SFTPB: variants seen among roughly 807,000 people sequenced by gnomAD.
SFTPB encodes pulmonary surfactant-associated protein B.
A neutral mutation model predicts 51.0 loss-of-function variants in SFTPB; 32 were observed. The ratio of observed to expected loss-of-function variants is 0.63; its 90% CI spans 0.47 to 0.84. The LOEUF (loss-of-function observed/expected upper bound fraction) is 0.84, where lower values mean the gene tolerates loss of function less well. Among genes scored for constraint, SFTPB ranks in the 40% least tolerant of loss-of-function variants. SFTPB has a pLI of 0.00. For synonymous variants in SFTPB, 211 were observed against 208.5 expected (o/e 1.01, Z -0.10); for missense variants, 431 against 491.2 (o/e 0.88, Z 1.16).
chr2:85,666,249 GTC>G (rs1677594295), intron 4 of SFTPB, among the ~76,000 whole-genome samples: 3 of 135,624 alleles, frequency 2.2e-5, no homozygotes, highest in African/African-American at 5.3e-5. Context: ...GTGTGTGTGT[GTC>G]TGGCTGGCTG....
rs1392444391 is a variant in SFTPB at position 85,663,209 on chromosome 2, C to T, written c.1002+137G>A. The T allele has an allele frequency of 5.7e-6, 7 of 1,226,348 alleles. No individual in the cohort carries two copies. In the South Asian group the frequency reaches 6.1e-5, roughly 11 times the overall value. 76.0% of individuals were successfully genotyped at this position (1,226,348 alleles called of 1,614,324 possible). On this transcript the variant is annotated intron_variant, in intron 8 of 10. Transcript: ENST00000519937. The stretch of plus-strand genomic sequence containing the variant: ...CCCTAACTTACAGTCCCACCATTGT[C>T]TGCCCCACATCCTGTCTGCCTGTCT...
rs1677520698 is a variant in SFTPB, at chr2:85,665,398, GAGGCC to G, written c.583-25_583-21del. On this transcript the variant is annotated intron_variant, in intron 5 of 10. Coordinates refer to ENST00000519937, the MANE Select transcript of SFTPB (RefSeq NM_000542.5). Reference sequence around the variant, plus strand: ...GAGATCCTGGGGAAAGAATCAGGTGGAGGCCAGGCTGGGTGCTGGGAGAAGAGTCC... The same window carrying G: ...GAGATCCTGGGGAAAGAATCAGGTGGAGGCTGGGTGCTGGGAGAAGAGTCC... The G allele has an allele frequency of 2.5e-6, 4 of 1,602,956 alleles. No individual in the cohort carries two copies. The South Asian group carries it at 3.3e-5, about 13-fold the overall frequency.
At position 85,665,659 on chromosome 2, in the gene SFTPB, C is replaced by G. The variant is rs34550459; in HGVS notation, c.529G>C (p.Val177Leu). 2.5e-6 allele frequency: 4 copies of G among 1,614,108 alleles called. No homozygotes were observed. Among genetic ancestry groups the G allele is most frequent in the South Asian group, 1.1e-5 (1 of 91,080 alleles). ...AGGGCCCCGGGCAGCACAGGGAGGA[C>G]GAGCTTGTCCAGCAGAGGGTCTGGC... ...PLPDPLLDKLVLPVLPGALQA... is the reference protein window; with the variant it reads ...PLPDPLLDKLLLPVLPGALQA... The change falls in exon 5 of 11, where the codon GTC becomes CTC. Residue 177 changes from valine (V) to leucine (L), a missense_variant. By Grantham distance (32) the Val-to-Leu change is conservative. Transcript: ENST00000519937.
At position 85,666,633 on chromosome 2, in the gene SFTPB, T is replaced by C; in HGVS notation, c.377A>G (p.Tyr126Cys). 6.2e-7 allele frequency: 1 copy of C among 1,613,488 alleles called. No homozygotes were observed. The highest frequency in any genetic ancestry group is 8.5e-7 in the Non-Finnish European group (1 of 1,179,714). Residue 126 changes from tyrosine (Y) to cysteine (C), a missense_variant, in exon 4 of 11, where the codon TAC becomes TGC. Coordinates refer to ENST00000519937, the MANE Select transcript of SFTPB (RefSeq NM_000542.5). ...LDDYFPLVID[Y>C]FQNQTDSNGI... is the part of the protein sequence containing the mutation. ...AGCCCTCACAGTCTGGTTCTGGAAG[T>C]AGTCGATGACCAGGGGGAAGTAGTC...
chr2:85,663,627 A>G (rs774839374), intron 7 of SFTPB, 37 bp downstream of exon 7: 1 of 1,597,682 alleles, frequency 6.3e-7, no homozygotes, highest in Non-Finnish European at 8.5e-7. Context: ...GGAGGAGGAG[A>G]GCAGGCATTG....
In SFTPB at chr2:85,665,818, G is replaced by A. The variant is rs1346897402; in HGVS notation, c.394-24C>T. ...TCCTGGGGCACAGCACAGGGTGGGA[G>A]TGTTAGGGTCTGGGAGGGAAGCCCA... On this transcript the variant is annotated intron_variant, in intron 4 of 10. Transcript: ENST00000519937. 4 of 1,612,750 alleles carry A rather than the reference G, an allele frequency of 2.5e-6. No individual in the cohort carries two copies. The Admixed American group carries it at 6.7e-5, about 27-fold the overall frequency.
At chr2:85,665,937 G>C in intron 4 of SFTPB, 143 bp from the exon 5 acceptor site, 2 of 740,248 alleles carry the variant, frequency 2.7e-6, no homozygotes, top group Non-Finnish European at 4.5e-6. Flanking sequence ...CTATGTGGGG[G>C]GACAAAAGGC....
At chr2:85,666,771 G>A (rs1263017187) in intron 3 of SFTPB, 29 bp from the exon 4 acceptor site, 4 of 1,613,350 alleles carry the variant, frequency 2.5e-6, no homozygotes, top group Non-Finnish European at 3.4e-6. Flanking sequence ...CCGTCAGCTG[G>A]GCCTCTCTGA....
Position 85,663,767 on chromosome 2 carries a change from C to T in SFTPB, c.753G>A (p.Glu251=). The T allele has an allele frequency of 4.4e-6, 7 of 1,607,340 alleles. No individual in the cohort carries two copies. Among genetic ancestry groups the T allele is most frequent in the Non-Finnish European group, 5.9e-6 (7 of 1,177,598 alleles). Residue 251 remains glutamate (E), a synonymous_variant, in exon 7 of 11, where the codon GAG becomes GAA. Transcript: ENST00000519937. Reference sequence around the variant, plus strand: ...TGTCGAGCAGGATGACGGAGTAGCGCTCAGCCAGGCACTGGCAGATGCCGC... The same window carrying T: ...TGTCGAGCAGGATGACGGAGTAGCGTTCAGCCAGGCACTGGCAGATGCCGC... ...VAGGICQCLA[E]RYSVILLDTL... is the part of the protein sequence containing the mutation.
intron 10 of SFTPB, among the ~76,000 whole-genome samples, chr2:85,660,838 A>C (rs1469354577): frequency 1.3e-5 from 2 of 152,158 alleles, no homozygotes; most frequent in Non-Finnish European, 2.9e-5. Flanking sequence ...AAAGTGGGCC[A>C]AGCTTGCTCT....
rs1228047996 is a variant in SFTPB at position 85,665,318 on chromosome 2, T to C, written c.643A>G (p.Ile215Val). The C allele has an allele frequency of 2.5e-6, 4 of 1,613,804 alleles. No individual in the cohort carries two copies. Among genetic ancestry groups the C allele is most frequent in the Admixed American group, 3.3e-5 (2 of 59,982 alleles). ...GGAATCATGGCTTGGATCCGCTTGA[T>C]CAGAGCCCTGCAGAGCCAGCAATAG... Reference protein sequence around the residue: ...LPYCWLCRALIKRIQAMIPKG... With the variant: ...LPYCWLCRALVKRIQAMIPKG... Residue 215 changes from isoleucine to valine, a missense_variant, in exon 6 of 11, where the codon ATC becomes GTC. Transcript: ENST00000519937.
In SFTPB at chr2:85,663,813, C is replaced by T. The variant is rs1029484038; in HGVS notation, c.707G>A (p.Arg236His). ...ALAVAVAQVC[R>H]VVPLVAGGIC... is the part of the protein sequence containing the mutation. ...GCCGCCCGCCACCAGAGGTACCACGCGGCACACCTGGGCCACTGCCACAGC... is the reference window on the plus strand; with the variant it reads ...GCCGCCCGCCACCAGAGGTACCACGTGGCACACCTGGGCCACTGCCACAGC... The change falls in exon 7 of 11, where the codon CGC becomes CAC. Residue 236 changes from arginine (R) to histidine (H), a missense_variant. Arg to His is a conservative substitution (Grantham distance 29). Transcript: ENST00000519937. The T allele has an allele frequency of 1.1e-5, 17 of 1,598,098 alleles. No individual in the cohort carries two copies. Among genetic ancestry groups the T allele is most frequent in the East Asian group, 6.8e-5 (3 of 44,202 alleles).
Position 85,657,902 on chromosome 2 carries a change from G to A in SFTPB, c.*1800C>T, listed in dbSNP as rs940393064. The A allele has an allele frequency of 1.3e-5, 2 of 151,398 alleles. No individual in the cohort carries two copies. The highest frequency in any genetic ancestry group is 4.9e-5 in the African/African-American group (2 of 41,190). 9.4% of individuals were successfully genotyped at this position (151,398 alleles called of 1,614,324 possible). ...TTCTTAAGGGTGCGGGGGTGCGGGC[G>A]TGGGGTGGGTGGGGAGAATATTACA... On this transcript the variant is annotated 3_prime_UTR_variant, in exon 11 of 11. Transcript: ENST00000519937.
intron 1 of SFTPB, 100 bp downstream of exon 1, chr2:85,668,017 G>T: frequency 8.1e-7 from 1 of 1,230,528 alleles, no homozygotes; most frequent in Non-Finnish European, 1.2e-6. Flanking sequence ...CAGCTGCCTT[G>T]TCTTTAAAAT....
upstream of SFTPB, chr2:85,668,247 G>A: frequency 6.8e-7 from 1 of 1,471,774 alleles, no homozygotes; most frequent in Non-Finnish European, 9.3e-7. Flanking sequence ...CGGGGCGTGG[G>A]GGCTCTGTAG....
chr2:85,668,605 C>T (rs1677771320), upstream of SFTPB: 3 of 222,836 alleles, frequency 1.3e-5, no homozygotes, highest in Admixed American at 1.0e-4. Flanking sequence ...TTGAGAGCTT[C>T]CTGCCTGGCT....
At chr2:85,663,939 T>G in intron 6 of SFTPB, 92 bp from the exon 7 acceptor site, 1 of 1,174,782 alleles carries the variant, frequency 8.5e-7, no homozygotes, top group Non-Finnish European at 1.2e-6. Flanking sequence ...TTCCTACGCA[T>G]TCCCTCATTC....
intron 8 of SFTPB, among the ~76,000 whole-genome samples, chr2:85,663,005 G>A (rs1677387035): frequency 6.6e-6 from 1 of 152,162 alleles, no homozygotes; most frequent in South Asian, 2.1e-4. Flanking sequence ...CAGGACCCTG[G>A]AGAGAAGGCT....
chr2:85,665,445 CT>C, intron 5 of SFTPB, 67 bp from the exon 6 acceptor site: 1 of 1,449,004 alleles, frequency 6.9e-7, no homozygotes, highest in Non-Finnish European at 9.7e-7. Context: ...CTCTCCTCCC[CT>C]CTCTCTTCCT....
Sources: gnomAD v4.1 joint callset for allele counts (sites outside exome capture counted in the v4.1 genomes callset) on GRCh38, gnomAD v4.1.1 for gene constraint, MANE v1.5 for transcripts, NCBI Gene and HGNC (gene_info 2026-07-23, HGNC 2026-07-21) for gene names.